The following SPRR2B variants were observed in gnomAD, a reference collection of about 807,000 sequenced individuals.
SPRR2B encodes the protein small proline rich protein 2B, also known as small proline-rich protein 2B.
Under a neutral mutation model 1.0 loss-of-function variants are expected in SPRR2B, and 1 was observed. That is an observed-to-expected ratio of 1.01 (90% confidence interval 0.36 to 4.77). SPRR2B has a LOEUF of 4.77. SPRR2B is among the 30% of genes most tolerant of loss of function. The pLI, the probability that SPRR2B is intolerant of heterozygous loss-of-function variation, is 0.16. For missense variants in SPRR2B, 53 were observed against 88.7 expected (o/e 0.60, Z 1.62); for synonymous variants, 27 against 33.4 (o/e 0.81, Z 0.66).
At chr1:153,075,411 A>G (rs1654753471), upstream of SPRR2B, among the ~76,000 whole-genome samples, 1 of 152,120 alleles carries the variant, frequency 6.6e-6, no homozygotes, top group Non-Finnish European at 1.5e-5. Context: ...TTGGCAGATC[A>G]TACTAGAGTA....
upstream of SPRR2B, among the ~76,000 whole-genome samples, chr1:153,076,575 A>G (rs190828245): frequency 6.6e-6 from 1 of 152,334 alleles, no homozygotes; most frequent in East Asian, 1.9e-4. Flanking sequence ...AGTCCTGAAA[A>G]TTCTACTGTA....
chr1:153,081,809 CCTTTT>C, the SPRR2B span, among the ~76,000 whole-genome samples: 1 of 145,952 alleles, frequency 6.9e-6, no homozygotes, highest in Non-Finnish European at 1.5e-5. Flanking sequence ...AGTCAATTTT[CCTTTT>C]CTTTTCTTTT....
At chr1:153,079,585 T>G in the SPRR2B span, among the ~76,000 whole-genome samples, 2 of 151,954 alleles carry the variant, frequency 1.3e-5, no homozygotes, top group Admixed American at 1.3e-4. Context: ...CTACATATGG[T>G]TAGCCAGTTT....
At chr1:153,082,136 G>A in the SPRR2B span, among the ~76,000 whole-genome samples, 1 of 151,916 alleles carries the variant, frequency 6.6e-6, no homozygotes, top group Non-Finnish European at 1.5e-5. Context: ...CATAATCCCC[G>A]ATGAAACCAC....
the SPRR2B span, among the ~76,000 whole-genome samples, chr1:153,080,624 A>C: frequency 6.6e-6 from 1 of 152,236 alleles, no homozygotes; most frequent in African/African-American, 2.4e-5. Context: ...TTTGTACAGT[A>C]AAGGCTGTTT....
chr1:153,078,147 AT>A, the SPRR2B span, among the ~76,000 whole-genome samples: 8 of 152,364 alleles, frequency 5.3e-5, no homozygotes, highest in South Asian at 2.1e-4. Flanking sequence ...ATTAAAAAAA[AT>A]AGTTCAACTA....
chr1:153,080,625 A>G, the SPRR2B span, among the ~76,000 whole-genome samples: 1 of 152,224 alleles, frequency 6.6e-6, no homozygotes, highest in Non-Finnish European at 1.5e-5. Context: ...TTGTACAGTA[A>G]AGGCTGTTTG....
chr1:153,082,832 C>A, the SPRR2B span, among the ~76,000 whole-genome samples: 1 of 151,894 alleles, frequency 6.6e-6, no homozygotes, highest in East Asian at 1.9e-4. Flanking sequence ...GCTAAACCCC[C>A]CAAAAAGAAA....
At chr1:153,083,552 G>A in the SPRR2B span, among the ~76,000 whole-genome samples, 1 of 152,156 alleles carries the variant, frequency 6.6e-6, no homozygotes, top group Non-Finnish European at 1.5e-5. Context: ...GATATTCAGA[G>A]GGAAGGCACT....
upstream of SPRR2B, among the ~76,000 whole-genome samples, chr1:153,072,727 A>G (rs1188810399): frequency 1.3e-5 from 2 of 152,092 alleles, no homozygotes; most frequent in Admixed American, 1.3e-4. Flanking sequence ...TAGCCCCACA[A>G]CCTGCTAGAT....
At chr1:153,075,225 C>G (rs149016113), upstream of SPRR2B, among the ~76,000 whole-genome samples, 4 of 152,040 alleles carry the variant, frequency 2.6e-5, no homozygotes, top group Admixed American at 6.6e-5. Context: ...GGCCTGTAAT[C>G]CCAGCTACTC....
At chr1:153,080,595 C>A in the SPRR2B span, among the ~76,000 whole-genome samples, 14 of 151,920 alleles carry the variant, frequency 9.2e-5, no homozygotes, top group Admixed American at 8.5e-4. Context: ...AACAAAGAAA[C>A]ACAAAATTGT....
chr1:153,080,185 T>C, the SPRR2B span, among the ~76,000 whole-genome samples: 5 of 151,960 alleles, frequency 3.3e-5, no homozygotes, highest in East Asian at 7.7e-4. Flanking sequence ...TATGCGAAGA[T>C]ACAGTGAGAG....
rs371939310 is a variant in SPRR2B at position 153,070,593 on chromosome 1, C to T, written c.*28G>A. 28 of 1,605,676 alleles carry T rather than the reference C, an allele frequency of 1.7e-5. No individual in the cohort carries two copies. The highest frequency in any genetic ancestry group is 2.2e-5 in the South Asian group (2 of 89,412). Reference sequence around the variant, plus strand: ...GAGGTGAGCCAATTATCCTTATCCTCTCATGCTCCTGATGAATCCTGAAGC... The same window carrying T: ...GAGGTGAGCCAATTATCCTTATCCTTTCATGCTCCTGATGAATCCTGAAGC... On this transcript the variant is annotated 3_prime_UTR_variant, in exon 2 of 2. Transcript: ENST00000368755.
the SPRR2B span, among the ~76,000 whole-genome samples, chr1:153,084,072 G>C: frequency 6.6e-6 from 1 of 152,158 alleles, no homozygotes; most frequent in East Asian, 1.9e-4. Flanking sequence ...TGGTGACTTT[G>C]GGACCCACAT....
chr1:153,080,500 C>T, the SPRR2B span, among the ~76,000 whole-genome samples: 1 of 151,936 alleles, frequency 6.6e-6, no homozygotes, highest in Non-Finnish European at 1.5e-5. Context: ...TGGAATAAAA[C>T]TAAAAACTTA....
At chr1:153,077,414 G>A in the SPRR2B span, among the ~76,000 whole-genome samples, 1 of 152,130 alleles carries the variant, frequency 6.6e-6, no homozygotes, top group African/African-American at 2.4e-5. Flanking sequence ...AAAAATCTCT[G>A]ATAAATGTAC....
In SPRR2B at chr1:153,070,515, C is replaced by A. The variant is rs546954373; in HGVS notation, c.*106G>T. The A allele has an allele frequency of 6.5e-7, 1 of 1,532,372 alleles. No individual in the cohort carries two copies. Among genetic ancestry groups the A allele is most frequent in the East Asian group, 2.3e-5 (1 of 44,230 alleles). The allele number at this position is 1,532,372 out of a possible 1,614,324, so 94.9% of individuals were successfully genotyped here. On this transcript the variant is annotated 3_prime_UTR_variant, in exon 2 of 2. Transcript: ENST00000368755. Reference sequence around the variant, plus strand: ...TCACAGGCTAAGGGGAAAGAAGCTCCCTATGAATCCATGATAAGCTTTGAT... The same window carrying A: ...TCACAGGCTAAGGGGAAAGAAGCTCACTATGAATCCATGATAAGCTTTGAT...
rs6667636 is a variant in SPRR2B at position 153,071,159 on chromosome 1, C to T, written c.-19-301G>A. On this transcript the variant is annotated intron_variant, in intron 1 of 1. Transcript: ENST00000368755. ...TGAAAGGCAGTCACAAGTTCAGACC[C>T]CCTGGGCAATCTCACAAGCTATTCC... is the stretch of plus-strand genomic sequence containing the variant. Among the ~76,000 whole-genome samples the T allele has an allele frequency of 4.9e-5, 6 of 123,136 alleles. 1 individual carries two copies. The highest frequency in any genetic ancestry group is 2.5e-4 in the South Asian group (1 of 4,016). The allele number at this position is 123,136 out of a possible 152,430, so 80.8% of individuals were successfully genotyped here. A position where few individuals can be genotyped will look rare whatever the true frequency, so the allele number is the denominator to read the frequency against.
Sources: gnomAD v4.1 joint callset for allele counts (sites outside exome capture counted in the v4.1 genomes callset) on GRCh38, gnomAD v4.1.1 for gene constraint, MANE v1.5 for transcripts, NCBI Gene and HGNC (gene_info 2026-07-23, HGNC 2026-07-21) for gene names.